TIMD4: variants seen among roughly 807,000 people sequenced by gnomAD.
TIMD4 encodes the protein T cell immunoglobulin and mucin domain containing 4.
Under a neutral mutation model 41.2 loss-of-function variants are expected in TIMD4, and 31 were observed. The observed-to-expected ratio is 0.75, with a 90% CI of 0.57 to 1.01. TIMD4 has a LOEUF of 1.01. Ranked by LOEUF, TIMD4 falls within the 50% of genes least tolerant of loss-of-function variation. The pLI is 0.00. For missense variants in TIMD4, 479 were observed against 472.5 expected (o/e 1.01, Z -0.13); for synonymous variants, 204 against 177.1 (o/e 1.15, Z -1.21).
chr5:156,950,673 G>T (rs1394231994), intron 3 of TIMD4, among the ~76,000 whole-genome samples: 1 of 152,134 alleles, frequency 6.6e-6, no homozygotes, highest in Admixed American at 6.5e-5. Context: ...GGTACAAGTT[G>T]CAGGGTCAAG....
intron 1 of TIMD4, among the ~76,000 whole-genome samples, chr5:156,955,365 A>G (rs767814695): frequency 6.6e-6 from 1 of 152,218 alleles, no homozygotes; most frequent in African/African-American, 2.4e-5. Context: ...CAGACTTAAA[A>G]GCTTCAAATG....
At chr5:156,957,565 A>G (rs1759997399) in intron 1 of TIMD4, among the ~76,000 whole-genome samples, 1 of 151,814 alleles carries the variant, frequency 6.6e-6, no homozygotes, top group South Asian at 2.1e-4. Context: ...TGGGAAGTCC[A>G]TTTTGCCTCC....
intron 5 of TIMD4, among the ~76,000 whole-genome samples, chr5:156,941,338 A>G (rs1286742187): frequency 1.3e-5 from 2 of 152,240 alleles, no homozygotes; most frequent in Non-Finnish European, 2.9e-5. Flanking sequence ...TAAAAAAATG[A>G]ACAATTCCTC....
At chr5:156,948,757 T>C (rs1172670651) in intron 4 of TIMD4, among the ~76,000 whole-genome samples, 1 of 152,222 alleles carries the variant, frequency 6.6e-6, no homozygotes, top group African/African-American at 2.4e-5. Context: ...GTAGCTTAGC[T>C]AAAATCACAC....
chr5:156,948,294 C>T, intron 5 of TIMD4, 122 bp downstream of exon 5: 1 of 466,682 alleles, frequency 2.1e-6, no homozygotes, highest in Non-Finnish European at 3.0e-6. Context: ...TTGAGACCAG[C>T]CTGGGCAACA....
At chr5:156,955,318 AGGT>A (rs1759951758) in intron 1 of TIMD4, among the ~76,000 whole-genome samples, 1 of 152,200 alleles carries the variant, frequency 6.6e-6, no homozygotes, top group African/African-American at 2.4e-5. Context: ...TCATATAATC[AGGT>A]GGGCTGTTTT....
intron 5 of TIMD4, among the ~76,000 whole-genome samples, chr5:156,941,267 C>T (rs1759647710): frequency 6.6e-6 from 1 of 152,052 alleles, no homozygotes; most frequent in Non-Finnish European, 1.5e-5. Flanking sequence ...TGTCCTATGA[C>T]CCTGCCAAAT....
intron 5 of TIMD4, among the ~76,000 whole-genome samples, chr5:156,938,089 TTG>T (rs1186960204): frequency 1.3e-5 from 2 of 152,190 alleles, no homozygotes; most frequent in African/African-American, 4.8e-5. Context: ...GCTCAGAAAA[TTG>T]TCAGGTTCTG....
intron 1 of TIMD4, among the ~76,000 whole-genome samples, chr5:156,962,250 TAGAAG>T (rs1309272060): frequency 1.3e-5 from 2 of 152,182 alleles, no homozygotes; most frequent in African/African-American, 4.8e-5. Flanking sequence ...TCAAAATAAC[TAGAAG>T]AGAACATTTG....
At chr5:156,957,557 G>A (rs1759996722) in intron 1 of TIMD4, among the ~76,000 whole-genome samples, 1 of 150,540 alleles carries the variant, frequency 6.6e-6, no homozygotes, top group South Asian at 2.1e-4. Flanking sequence ...CAATGCAGTG[G>A]GAAGTCCATT....
intron 5 of TIMD4, among the ~76,000 whole-genome samples, chr5:156,942,040 G>T (rs979633030): frequency 2.6e-5 from 4 of 152,150 alleles, no homozygotes; most frequent in Non-Finnish European, 5.9e-5. Flanking sequence ...CTGGGACCAA[G>T]AAATAACTAC....
intron 5 of TIMD4, among the ~76,000 whole-genome samples, chr5:156,940,210 G>C (rs915072681): frequency 2.6e-4 from 39 of 152,334 alleles, no homozygotes; most frequent in Non-Finnish European, 5.1e-4. Flanking sequence ...TGCCCGCCTC[G>C]GCCTCCCGAG....
chr5:156,934,943 G>T (rs1759512343), intron 5 of TIMD4, among the ~76,000 whole-genome samples: 1 of 152,136 alleles, frequency 6.6e-6, no homozygotes, highest in Non-Finnish European at 1.5e-5. Flanking sequence ...AACAAAATTA[G>T]TTCTGAAATA....
rs569724074 is a variant in TIMD4, at chr5:156,960,240, T to C, written c.58+2901A>G. ...CTGCAACTTTCAACCTAACAAAACC[T>C]TCCAAACTTCAAGTTTCCAGGATAA... On this transcript the variant is annotated intron_variant, in intron 1 of 8. Coordinates refer to ENST00000274532, the MANE Select transcript of TIMD4 (RefSeq NM_138379.3). 1.2e-4 allele frequency among the ~76,000 whole-genome samples: 18 copies of C among 151,978 alleles called. 1 individual carries two copies. The highest frequency in any genetic ancestry group is 4.3e-4 in the African/African-American group (18 of 41,434).
chr5:156,960,579 A>T (rs1273076403), intron 1 of TIMD4, among the ~76,000 whole-genome samples: 5 of 151,780 alleles, frequency 3.3e-5, no homozygotes, highest in African/African-American at 9.7e-5. Flanking sequence ...GCTAATTTTT[A>T]TATTTTTAGT....
intron 5 of TIMD4, among the ~76,000 whole-genome samples, chr5:156,933,788 G>A (rs1178095869): frequency 2.6e-5 from 4 of 151,958 alleles, no homozygotes; most frequent in African/African-American, 9.7e-5. Context: ...TCCTGACCTT[G>A]AGGAGCTGTG....
chr5:156,946,208 T>A (rs763406829), intron 5 of TIMD4, among the ~76,000 whole-genome samples: 2 of 152,164 alleles, frequency 1.3e-5, no homozygotes, highest in Non-Finnish European at 2.9e-5. Context: ...CCATCACCTT[T>A]CTAGTCACTG....
chr5:156,930,529 G>A (rs1037715474), intron 5 of TIMD4, among the ~76,000 whole-genome samples: 17 of 152,212 alleles, frequency 1.1e-4, no homozygotes, highest in Non-Finnish European at 2.2e-4. Context: ...GATTTGCACT[G>A]AATGTAGAAA....
intron 6 of TIMD4, among the ~76,000 whole-genome samples, chr5:156,923,040 T>C (rs568057157): frequency 1.3e-5 from 2 of 152,038 alleles, no homozygotes; most frequent in South Asian, 2.1e-4. Context: ...CCCCTGAACC[T>C]AAAAGAAAAG....
Sources: gnomAD v4.1 joint callset for allele counts (sites outside exome capture counted in the v4.1 genomes callset) on GRCh38, gnomAD v4.1.1 for gene constraint, MANE v1.5 for transcripts, NCBI Gene and HGNC (gene_info 2026-07-23, HGNC 2026-07-21) for gene names.